The following UBE2E3 variants were observed in gnomAD, a reference collection of about 807,000 sequenced individuals.
UBE2E3 encodes ubiquitin conjugating enzyme E2 E3.
Under a neutral mutation model 23.6 loss-of-function variants are expected in UBE2E3, and 5 were observed. The observed-to-expected ratio is 0.21, with a 90% CI of 0.11 to 0.44. UBE2E3 has a LOEUF of 0.44. Among genes scored for constraint, UBE2E3 ranks in the 20% least tolerant of loss-of-function variants. The probability of loss-of-function intolerance (pLI) is 0.99; values close to 1 mark genes in which losing one functional copy is unlikely to be tolerated. For missense variants in UBE2E3, 81 were observed against 249.8 expected (o/e 0.32, Z 4.55); for synonymous variants, 78 against 87.5 (o/e 0.89, Z 0.60).
At chr2:181,056,049 T>C (rs1329696591) in intron 3 of UBE2E3, among the ~76,000 whole-genome samples, 1 of 142,106 alleles carries the variant, frequency 7.0e-6, no homozygotes. Context: ...ATTCCAAGGA[T>C]GGGATTCCTT....
chr2:181,031,611 TTTTCTC>T (rs557124388), intron 3 of UBE2E3, among the ~76,000 whole-genome samples: 1 of 152,286 alleles, frequency 6.6e-6, no homozygotes, highest in African/African-American at 2.4e-5. Context: ...TACTTTCTGT[TTTTCTC>T]TTTCTGCGCC....
chr2:181,029,815 A>G (rs1471834293), intron 3 of UBE2E3, among the ~76,000 whole-genome samples: 1 of 145,640 alleles, frequency 6.9e-6, no homozygotes, highest in Non-Finnish European at 1.5e-5. Flanking sequence ...TTGAAAAGGT[A>G]TTCTTTATCA....
At chr2:181,031,748 C>T (rs1686086450) in intron 3 of UBE2E3, among the ~76,000 whole-genome samples, 1 of 152,114 alleles carries the variant, frequency 6.6e-6, no homozygotes, top group South Asian at 2.1e-4. Flanking sequence ...AGGCTATACA[C>T]TATTTCTGTA....
chr2:181,018,962 A>G (rs764607724), intron 3 of UBE2E3, among the ~76,000 whole-genome samples: 3 of 152,042 alleles, frequency 2.0e-5, no homozygotes, highest in Non-Finnish European at 4.4e-5. Context: ...GTTCCTTTCT[A>G]GCTCTAAATT....
chr2:180,986,108 GGCTTTCTGT>G (rs1684461832), intron 3 of UBE2E3, among the ~76,000 whole-genome samples: 1 of 151,982 alleles, frequency 6.6e-6, no homozygotes, highest in South Asian at 2.1e-4. Flanking sequence ...CAAAACTTTG[GGCTTTCTGT>G]GAACAGTAAC....
At chr2:181,029,837 C>A (rs115798813) in intron 3 of UBE2E3, among the ~76,000 whole-genome samples, 5,795 of 139,162 alleles carry the variant, frequency 0.042, 223 homozygotes, top group African/African-American at 0.1. Flanking sequence ...TTAATTCGGT[C>A]CCTTTTTTTT....
intron 3 of UBE2E3, among the ~76,000 whole-genome samples, chr2:181,017,305 G>A (rs1186166500): frequency 6.6e-6 from 1 of 152,142 alleles, no homozygotes; most frequent in African/African-American, 2.4e-5. Context: ...GTCCAGGAGG[G>A]GCCAGTGGGA....
chr2:180,987,458 C>A, intron 3 of UBE2E3: 3 of 1,495,986 alleles, frequency 2.0e-6, no homozygotes, highest in Non-Finnish European at 2.7e-6. Flanking sequence ...AATATACTGA[C>A]GAATATTTTA....
At chr2:180,985,067 T>A (rs1684414840) in intron 3 of UBE2E3, among the ~76,000 whole-genome samples, 2 of 152,178 alleles carry the variant, frequency 1.3e-5, no homozygotes, top group Non-Finnish European at 2.9e-5. Context: ...CTCTGAAGTC[T>A]GCTTGTGATA....
Position 180,998,494 on chromosome 2 carries a change from A to G in UBE2E3, c.245+14401A>G, listed in dbSNP as rs114896526. Among the ~76,000 whole-genome samples, 1,287 of 152,210 alleles carry G rather than the reference A, an allele frequency of 8.5e-3. 21 individuals are homozygous for G. The highest frequency in any genetic ancestry group is 0.029 in the African/African-American group (1,222 of 41,544). On this transcript the variant is annotated intron_variant, in intron 3 of 5. Transcript: ENST00000410062. ...CAGGGGGAGATGATGAAATTCATTT[A>G]TCCTCTGTGATGCTATGGAAGAACA... is the stretch of plus-strand genomic sequence containing the variant.
chr2:181,010,593 A>T (rs1685294919), intron 3 of UBE2E3, among the ~76,000 whole-genome samples: 1 of 152,194 alleles, frequency 6.6e-6, no homozygotes, highest in Admixed American at 6.6e-5. Flanking sequence ...TCACAGGTAG[A>T]TATAAAAGGA....
chr2:181,047,703 A>G (rs1345309026), intron 3 of UBE2E3, among the ~76,000 whole-genome samples: 1 of 151,942 alleles, frequency 6.6e-6, no homozygotes, highest in East Asian at 1.9e-4. Context: ...ATATTAGTCT[A>G]GCCTATCATC....
intron 3 of UBE2E3, among the ~76,000 whole-genome samples, chr2:181,027,128 C>A (rs1685918510): frequency 6.6e-6 from 1 of 151,696 alleles, no homozygotes; most frequent in African/African-American, 2.4e-5. Flanking sequence ...ATTGTCTGTA[C>A]CTGTGTTAAA....
At chr2:181,021,610 TCCTC>T (rs1240027917) in intron 3 of UBE2E3, among the ~76,000 whole-genome samples, 1 of 77,876 alleles carries the variant, frequency 1.3e-5, no homozygotes, top group Non-Finnish European at 2.5e-5. Context: ...CTTCCTTCCT[TCCTC>T]CCTCTCTCCC....
In UBE2E3 at chr2:181,023,380, C is replaced by G. The variant is rs1042806845; in HGVS notation, c.246-34313C>G. On this transcript the variant is annotated intron_variant, in intron 3 of 5. Coordinates refer to ENST00000410062, the MANE Select transcript of UBE2E3 (RefSeq NM_006357.4). ...TAAATAGAACATCCTCTACTTTTGT[C>G]TTCTGATTTCTCAAACAATGTATAT... Among the ~76,000 whole-genome samples, 3 of 152,134 alleles carry G rather than the reference C, an allele frequency of 2.0e-5. No individual in the cohort carries two copies. In the East Asian group the frequency reaches 5.8e-4, roughly 29 times the overall value.
At chr2:181,021,898 A>T (rs1426946959) in intron 3 of UBE2E3, among the ~76,000 whole-genome samples, 1 of 152,096 alleles carries the variant, frequency 6.6e-6, no homozygotes, top group Non-Finnish European at 1.5e-5. Context: ...AAAAGTTTAG[A>T]GTAAAAGTGC....
At chr2:181,021,672 C>CTTCCTTCCTTCT (rs1685706559) in intron 3 of UBE2E3, among the ~76,000 whole-genome samples, 1 of 132,162 alleles carries the variant, frequency 7.6e-6, no homozygotes, top group Non-Finnish European at 1.6e-5. Context: ...TCCTTCTTTC[C>CTTCCTTCCTTCT]TTCCTTCCCA....
intron 5 of UBE2E3, 49 bp downstream of exon 5, chr2:181,060,861 CTTTTTTTTTTTTTTTTTT>C: frequency 8.1e-6 from 2 of 246,484 alleles, no homozygotes; most frequent in Non-Finnish European, 1.1e-5. Flanking sequence ...AAAACGAGTG[CTTTTTTTTTTTTTTTTTT>C]TTTTTTTTTA....
intron 3 of UBE2E3, among the ~76,000 whole-genome samples, chr2:181,011,113 A>C (rs1685313845): frequency 6.6e-6 from 1 of 151,952 alleles, no homozygotes; most frequent in African/African-American, 2.4e-5. Context: ...TTAGAGCCAG[A>C]ACAACAATTC....
Sources: gnomAD v4.1 joint callset for allele counts (sites outside exome capture counted in the v4.1 genomes callset) on GRCh38, gnomAD v4.1.1 for gene constraint, MANE v1.5 for transcripts, NCBI Gene and HGNC (gene_info 2026-07-23, HGNC 2026-07-21) for gene names.